The following ENPP2 variants were observed in gnomAD, a reference collection of about 807,000 sequenced individuals.
ENPP2 encodes autotaxin.
ENPP2 carries 51 observed loss-of-function variants against 120.2 expected under a neutral mutation model. The ratio of observed to expected loss-of-function variants is 0.42; its 90% CI spans 0.34 to 0.54. The LOEUF is 0.54. Among genes scored for constraint, ENPP2 ranks in the 20% least tolerant of loss-of-function variants. The pLI is 0.04. For missense variants in ENPP2, 920 were observed against 1,066.5 expected (o/e 0.86, Z 1.91); for synonymous variants, 365 against 366.4 (o/e 1.00, Z 0.04).
intron 1 of ENPP2, among the ~76,000 whole-genome samples, chr8:119,655,672 A>G (rs1817748813): frequency 6.6e-6 from 1 of 152,234 alleles, no homozygotes. Flanking sequence ...CAGATGTTGT[A>G]CAGAGATTAT....
intron 13 of ENPP2, among the ~76,000 whole-genome samples, chr8:119,587,540 T>C (rs1363964279): frequency 6.6e-6 from 1 of 152,198 alleles, no homozygotes; most frequent in East Asian, 1.9e-4. Flanking sequence ...CATTGAGTTA[T>C]TTTTTTAAAA....
chr8:119,559,769 G>C (rs1563660490), intron 24 of ENPP2, among the ~76,000 whole-genome samples: 2 of 152,198 alleles, frequency 1.3e-5, no homozygotes, highest in African/African-American at 4.8e-5. Flanking sequence ...GAACTTGCTT[G>C]CTGTCTTCCT....
chr8:119,641,339 C>G (rs547266562), upstream of ENPP2, among the ~76,000 whole-genome samples: 1 of 150,578 alleles, frequency 6.6e-6, no homozygotes, highest in Admixed American at 6.6e-5. Context: ...CAAAAAAAAG[C>G]TTCACAGTGC....
At chr8:119,617,445 C>G in intron 6 of ENPP2, 21 bp downstream of exon 6, 1 of 1,516,094 alleles carries the variant, frequency 6.6e-7, no homozygotes, top group Non-Finnish European at 9.1e-7. Context: ...GATAAGAACA[C>G]AGAGTATGGA....
intron 1 of ENPP2, among the ~76,000 whole-genome samples, chr8:119,652,858 C>T (rs147634647): frequency 6.6e-6 from 1 of 152,246 alleles, no homozygotes; most frequent in African/African-American, 2.4e-5. Context: ...AGCGAGACAG[C>T]CAGATCTATC....
intron 19 of ENPP2, among the ~76,000 whole-genome samples, chr8:119,575,578 A>T (rs1812277795): frequency 6.6e-6 from 1 of 152,192 alleles, no homozygotes; most frequent in African/African-American, 2.4e-5. Context: ...GCATTTTCAG[A>T]TGAAAGCACA....
At chr8:119,608,790 C>T (rs983594090) in intron 8 of ENPP2, among the ~76,000 whole-genome samples, 2 of 152,144 alleles carry the variant, frequency 1.3e-5, no homozygotes, top group African/African-American at 4.8e-5. Flanking sequence ...TTATTCTAAG[C>T]TTTAATGAGT....
At chr8:119,594,926 C>G (rs1037236399) in intron 11 of ENPP2, among the ~76,000 whole-genome samples, 2 of 152,188 alleles carry the variant, frequency 1.3e-5, no homozygotes, top group Admixed American at 6.5e-5. Context: ...ATTGGGAAAT[C>G]AGGTGTAAAC....
At chr8:119,596,125 A>C (rs1040004998) in intron 11 of ENPP2, 22 of 842,074 alleles carry the variant, frequency 2.6e-5, no homozygotes, top group Middle Eastern at 3.6e-4. Context: ...TCCTTAAGTG[A>C]GAAAAAATTG....
chr8:119,668,423 CTTTTTCTT>C (rs1239160994), intron 1 of ENPP2, among the ~76,000 whole-genome samples: 3 of 135,296 alleles, frequency 2.2e-5, no homozygotes, highest in African/African-American at 8.4e-5. Flanking sequence ...TTTTCTTTTT[CTTTTTCTT>C]TTTTTTTTTT....
intron 2 of ENPP2, among the ~76,000 whole-genome samples, chr8:119,630,085 TTCA>T (rs1816556370): frequency 6.6e-6 from 1 of 152,138 alleles, no homozygotes; most frequent in Non-Finnish European, 1.5e-5. Context: ...CTTGCTTTCC[TTCA>T]TCATCATTTC....
At chr8:119,652,907 A>C (rs1817665559) in intron 1 of ENPP2, among the ~76,000 whole-genome samples, 1 of 152,236 alleles carries the variant, frequency 6.6e-6, no homozygotes, top group Admixed American at 6.5e-5. Flanking sequence ...TACAAAATTT[A>C]GGTATACAAC....
Position 119,557,341 on chromosome 8 carries a change from A to T in ENPP2, c.*180T>A. The T allele has an allele frequency of 3.5e-6, 2 of 570,850 alleles. No homozygotes were observed. The highest frequency in any genetic ancestry group is 6.1e-6 in the Non-Finnish European group (2 of 327,712). 35.4% of individuals were successfully genotyped at this position (570,850 alleles called of 1,614,324 possible). A position where few individuals can be genotyped will look rare whatever the true frequency, so the allele number is the denominator to read the frequency against. On this transcript the variant is annotated 3_prime_UTR_variant, in exon 25 of 25. Coordinates refer to ENST00000075322, the MANE Select transcript of ENPP2 (RefSeq NM_001040092.3). ...TTATTACAAGCTCTACTCAGAACAC[A>T]AGGCTACCTAAATCAAGCATTAGAG...
chr8:119,569,553 C>T (rs1814778564), intron 20 of ENPP2, among the ~76,000 whole-genome samples, 183 bp from the exon 21 acceptor site: 2 of 152,026 alleles, frequency 1.3e-5, no homozygotes, highest in South Asian at 2.1e-4. Flanking sequence ...CAGTAAGCCA[C>T]AAGTTTTCAA....
chr8:119,581,905 G>T (rs1194165659), intron 18 of ENPP2, among the ~76,000 whole-genome samples: 2 of 151,188 alleles, frequency 1.3e-5, no homozygotes, highest in African/African-American at 4.9e-5. Context: ...TAATTTTTTT[G>T]TGTTTTTAGT....
At chr8:119,669,603 G>A (rs757869748) in intron 1 of ENPP2, among the ~76,000 whole-genome samples, 1 of 152,144 alleles carries the variant, frequency 6.6e-6, no homozygotes. Flanking sequence ...TCTCCCAAAT[G>A]TCTGTGGAAT....
At chr8:119,630,201 C>T (rs553281100) in intron 2 of ENPP2, among the ~76,000 whole-genome samples, 13 of 151,158 alleles carry the variant, frequency 8.6e-5, no homozygotes, top group East Asian at 3.9e-4. Flanking sequence ...CTCTGCCTCC[C>T]GGGTTCAAAG....
chr8:119,590,421 AG>A, intron 13 of ENPP2, 83 bp downstream of exon 13: 2 of 1,124,862 alleles, frequency 1.8e-6, no homozygotes, highest in East Asian at 5.6e-5. Context: ...TTTTTACCCA[AG>A]TATTTCAGCT....
At chr8:119,572,239 T>A (rs1354351410) in intron 19 of ENPP2, 2 of 1,553,924 alleles carry the variant, frequency 1.3e-6, no homozygotes, top group Admixed American at 3.9e-5. Context: ...CCTCTGAATT[T>A]CCTGGTTTCA....
Sources: gnomAD v4.1 joint callset for allele counts (sites outside exome capture counted in the v4.1 genomes callset) on GRCh38, gnomAD v4.1.1 for gene constraint, MANE v1.5 for transcripts, NCBI Gene and HGNC (gene_info 2026-07-23, HGNC 2026-07-21) for gene names.